MYCBP2: variants seen among roughly 807,000 people sequenced by gnomAD.
MYCBP2 encodes the protein E3 ubiquitin-protein ligase MYCBP2.
In MYCBP2, 120 loss-of-function variants were observed where a neutral mutation model predicts 525.3. The observed-to-expected ratio is 0.23, with a 90% confidence interval of 0.20 to 0.27. The LOEUF is 0.27. Among genes scored for constraint, MYCBP2 ranks in the 10% least tolerant of loss-of-function variants. The pLI, the probability that MYCBP2 is intolerant of heterozygous loss-of-function variation, is 1.00. For missense variants in MYCBP2, 4,149 were observed against 5,657.1 expected, an observed-to-expected ratio of 0.73 and a Z score of 8.55; for synonymous variants, 1,894 against 1,955.8, an observed-to-expected ratio of 0.97 and a Z score of 0.83.
chr13:77,203,923 G>C lies in MYCBP2; in HGVS notation c.3843+1333C>G, dbSNP rs1320938167. On this transcript the variant is annotated intron_variant, in intron 26 of 82. Coordinates refer to ENST00000544440, the MANE Select transcript of MYCBP2 (RefSeq NM_015057.5). ...AGATGGATTAAAGACTTAAACGTTA[G>C]ACCTAAAACCATAAAAACCCTAGAA... Among the ~76,000 whole-genome samples, 24 of 151,908 alleles carry C rather than the reference G, an allele frequency of 1.6e-4. No homozygotes were observed. The East Asian group carries it at 4.4e-3, about 28-fold the overall frequency.
intron 2 of MYCBP2, among the ~76,000 whole-genome samples, chr13:77,295,227 C>T (rs778500852): frequency 1.3e-5 from 2 of 152,134 alleles, no homozygotes; most frequent in African/African-American, 4.8e-5. Flanking sequence ...CTGCTCCTCC[C>T]GGGTTCAAGC....
intron 56 of MYCBP2, 79 bp from the exon 57 acceptor site, chr13:77,096,560 G>C: frequency 6.9e-7 from 1 of 1,447,226 alleles, no homozygotes; most frequent in Non-Finnish European, 9.3e-7. Flanking sequence ...ATACATTAAT[G>C]ACAGATTTAC....
chr13:77,064,381 A>G (rs1239043994), intron 73 of MYCBP2, among the ~76,000 whole-genome samples: 1 of 152,240 alleles, frequency 6.6e-6, no homozygotes. Flanking sequence ...TAACCAGTGT[A>G]CCCTTGGCTT....
chr13:77,070,754 C>G (rs754946197), intron 68 of MYCBP2, 43 bp from the exon 69 acceptor site: 13 of 1,283,724 alleles, frequency 1.0e-5, no homozygotes, highest in Non-Finnish European at 1.1e-6. Context: ...ATGAAGTGGT[C>G]TCTTTAAATA....
chr13:77,221,797 T>C (rs1238521708), intron 20 of MYCBP2, among the ~76,000 whole-genome samples: 1 of 152,168 alleles, frequency 6.6e-6, no homozygotes. Flanking sequence ...ACACAGGTTA[T>C]AGTCATCCCT....
At chr13:77,292,729 C>T (rs2077614220) in intron 2 of MYCBP2, among the ~76,000 whole-genome samples, 1 of 152,054 alleles carries the variant, frequency 6.6e-6, no homozygotes, top group African/African-American at 2.4e-5. Flanking sequence ...GAGGCCAAGG[C>T]GGGTGGTTCA....
chr13:77,181,658 A>C (rs1481180868), intron 33 of MYCBP2, 43 bp downstream of exon 33: 1 of 1,503,428 alleles, frequency 6.7e-7, no homozygotes, highest in South Asian at 1.2e-5. Context: ...AACCATTTAG[A>C]GTTTTAGTGC....
chr13:77,197,405 C>G (rs1055165151), intron 26 of MYCBP2, among the ~76,000 whole-genome samples: 2 of 152,040 alleles, frequency 1.3e-5, no homozygotes, highest in African/African-American at 4.8e-5. Flanking sequence ...ATGTATCAAG[C>G]ATATGGTGGA....
In MYCBP2 at chr13:77,256,482, T is replaced by C. The variant is rs185492784; in HGVS notation, c.2176+1189A>G. On this transcript the variant is annotated intron_variant, in intron 14 of 82. Transcript: ENST00000544440. ...AGTGATATTTTATCAGTAAATATTATCAAATAAATAAGAAATTCAGTGGTT... is the reference window on the plus strand; with the variant it reads ...AGTGATATTTTATCAGTAAATATTACCAAATAAATAAGAAATTCAGTGGTT... Among the ~76,000 whole-genome samples, 375 of 152,104 alleles carry C rather than the reference T, an allele frequency of 2.5e-3. 1 individual carries two copies. Among genetic ancestry groups the C allele is most frequent in the Middle Eastern group, 0.017 (5 of 294 alleles).
chr13:77,095,128 G>A (rs549309795), intron 58 of MYCBP2, among the ~76,000 whole-genome samples: 1 of 152,196 alleles, frequency 6.6e-6, no homozygotes, highest in East Asian at 1.9e-4. Context: ...AAGACATGTT[G>A]TGTATTAATA....
intron 18 of MYCBP2, 99 bp downstream of exon 18, chr13:77,233,057 T>C (rs1468212360): frequency 2.0e-6 from 2 of 991,706 alleles, no homozygotes; most frequent in Non-Finnish European, 3.2e-6. Flanking sequence ...AGAAGCAAAG[T>C]AGAAGAATCA....
At chr13:77,082,047 T>G (rs1245540105) in intron 63 of MYCBP2, 54 bp from the exon 64 acceptor site, 1 of 1,535,018 alleles carries the variant, frequency 6.5e-7, no homozygotes, top group Non-Finnish European at 8.9e-7. Context: ...CAGGAACATC[T>G]AAGGAACTCT....
intron 59 of MYCBP2, among the ~76,000 whole-genome samples, chr13:77,091,336 G>A (rs1257259564): frequency 6.6e-6 from 1 of 151,288 alleles, no homozygotes; most frequent in African/African-American, 2.4e-5. Context: ...TATATATGGT[G>A]TTACTATAAA....
chr13:77,108,317 T>G (rs1404253605), intron 55 of MYCBP2, among the ~76,000 whole-genome samples: 1 of 152,168 alleles, frequency 6.6e-6, no homozygotes, highest in Non-Finnish European at 1.5e-5. Context: ...AAATAACACT[T>G]AGGAAAAGCG....
chr13:77,091,717 T>C (rs1017129357), intron 59 of MYCBP2, among the ~76,000 whole-genome samples: 5 of 152,106 alleles, frequency 3.3e-5, no homozygotes, highest in Non-Finnish European at 7.4e-5. Context: ...AATTCATTTA[T>C]TCATCAACTT....
At chr13:77,230,980 ATAAT>A (rs2067050266) in intron 18 of MYCBP2, among the ~76,000 whole-genome samples, 1 of 152,198 alleles carries the variant, frequency 6.6e-6, no homozygotes, top group Non-Finnish European at 1.5e-5. Flanking sequence ...GAATGGAGAG[ATAAT>A]TAAATGACAA....
intron 45 of MYCBP2, among the ~76,000 whole-genome samples, chr13:77,156,978 T>G (rs913658010): frequency 3.3e-5 from 5 of 152,212 alleles, no homozygotes; most frequent in African/African-American, 1.2e-4. Flanking sequence ...AGTTGGGATT[T>G]TTTTTTTACT....
At chr13:77,283,773 T>C (rs537111904) in intron 3 of MYCBP2, among the ~76,000 whole-genome samples, 1 of 152,256 alleles carries the variant, frequency 6.6e-6, no homozygotes, top group South Asian at 2.1e-4. Flanking sequence ...GGCAAACACC[T>C]GTAGTCCCAG....
chr13:77,146,663 G>A (rs1246550204), intron 47 of MYCBP2, among the ~76,000 whole-genome samples: 1 of 152,058 alleles, frequency 6.6e-6, no homozygotes, highest in Non-Finnish European at 1.5e-5. Context: ...AATCTGAAAG[G>A]TCAATAAAGA....
Sources: allele counts gnomAD v4.1 joint callset (sites outside exome capture counted in the v4.1 genomes callset), GRCh38; gene constraint gnomAD v4.1.1; transcripts MANE v1.5; gene names NCBI Gene and HGNC (gene_info 2026-07-23, HGNC 2026-07-21).